The following RYR3 variants were observed in gnomAD, a reference collection of about 807,000 sequenced individuals.
The protein encoded by RYR3 is brain ryanodine receptor-calcium release channel.
Under a neutral mutation model 584.3 loss-of-function variants are expected in RYR3, and 207 were observed. The ratio of observed to expected loss-of-function variants is 0.35; its 90% CI spans 0.32 to 0.40. RYR3 has a LOEUF of 0.40. RYR3 is among the 10% of genes least tolerant of loss of function. The pLI, the probability that RYR3 is intolerant of heterozygous loss-of-function variation, is 1.00. For synonymous variants in RYR3, 2,416 were observed against 2,248.5 expected (o/e 1.07, Z -2.11); for missense variants, 5,616 against 6,089.2 (o/e 0.92, Z 2.59).
intron 53 of RYR3, among the ~76,000 whole-genome samples, chr15:33,746,953 C>T (rs958262276): frequency 6.6e-6 from 1 of 151,086 alleles, no homozygotes; most frequent in Admixed American, 6.6e-5. Flanking sequence ...GAACTATAGG[C>T]ATGCACCACC....
chr15:33,702,930 C>T (rs1346775594), intron 42 of RYR3, among the ~76,000 whole-genome samples: 9 of 151,786 alleles, frequency 5.9e-5, no homozygotes, highest in Non-Finnish European at 8.8e-5. Context: ...GCATAGTGAA[C>T]GTGGGGTGGC....
intron 45 of RYR3, among the ~76,000 whole-genome samples, chr15:33,725,894 T>C (rs1596323621): frequency 7.4e-6 from 1 of 135,072 alleles, no homozygotes; most frequent in East Asian, 2.4e-4. Flanking sequence ...TGTGTGAACC[T>C]GGGAGGCGGA....
intron 85 of RYR3, 157 bp from the exon 86 acceptor site, chr15:33,830,806 G>A: frequency 1.6e-6 from 1 of 612,946 alleles, no homozygotes; most frequent in South Asian, 2.6e-5. Context: ...AGATCCTAGA[G>A]ACCTGGTATC....
At chr15:33,628,644 C>A in intron 21 of RYR3, 69 bp downstream of exon 21, 1 of 963,586 alleles carries the variant, frequency 1.0e-6, no homozygotes. Flanking sequence ...GTTCTTCCTG[C>A]TGCATGCCTA....
chr15:33,782,274 A>G (rs2074435012), intron 65 of RYR3, among the ~76,000 whole-genome samples: 1 of 152,176 alleles, frequency 6.6e-6, no homozygotes, highest in Non-Finnish European at 1.5e-5. Context: ...AGTCTCTTGC[A>G]TTGTGCTCCT....
chr15:33,396,942 T>G (rs771755009), intron 1 of RYR3, among the ~76,000 whole-genome samples: 26 of 152,212 alleles, frequency 1.7e-4, no homozygotes, highest in Non-Finnish European at 2.8e-4. Flanking sequence ...CCTCTTTATT[T>G]TTCTGGTAAT....
chr15:33,496,685 T>A (rs1319080638), intron 2 of RYR3, among the ~76,000 whole-genome samples: 2 of 152,120 alleles, frequency 1.3e-5, no homozygotes, highest in Admixed American at 6.5e-5. Context: ...GGATCATTCA[T>A]TAAACAAAAA....
Position 33,732,988 on chromosome 15 carries a change from C to T in RYR3, c.7424+1294C>T, listed in dbSNP as rs1480079874. Among the ~76,000 whole-genome samples the T allele has an allele frequency of 3.3e-5, 5 of 152,180 alleles. No homozygotes were observed. In the East Asian group the frequency reaches 5.8e-4, roughly 18 times the overall value. Reference sequence around the variant, plus strand: ...GGGCTACCTGGAAAAAAAAACTCATCGGTCCTCACATCGATGTGAGTAGAA... The same window carrying T: ...GGGCTACCTGGAAAAAAAAACTCATTGGTCCTCACATCGATGTGAGTAGAA... On this transcript the variant is annotated intron_variant, in intron 48 of 103. Transcript: ENST00000634891.
chr15:33,854,753 C>T lies in RYR3; in HGVS notation c.13861-13C>T, dbSNP rs202155048. ...GCAAACATGCTTAAAAGTCTGCTTT[C>T]TTCCATTCCCAGTCCTTTCTCTACC... On this transcript the variant is annotated splice_polypyrimidine_tract_variant and intron_variant, in intron 97 of 103. Coordinates refer to ENST00000634891, the MANE Select transcript of RYR3 (RefSeq NM_001036.6). 255 of 1,590,200 alleles carry T rather than the reference C, an allele frequency of 1.6e-4. No individual in the cohort carries two copies. The African/African-American group carries it at 3.2e-3, about 20-fold the overall frequency.
At chr15:33,406,390 T>C (rs2043018272) in intron 1 of RYR3, among the ~76,000 whole-genome samples, 1 of 152,220 alleles carries the variant, frequency 6.6e-6, no homozygotes, top group South Asian at 2.1e-4. Flanking sequence ...TTCAGCTGTC[T>C]CTTCCATACC....
intron 1 of RYR3, among the ~76,000 whole-genome samples, chr15:33,373,043 G>A (rs962940668): frequency 6.6e-6 from 1 of 152,146 alleles, no homozygotes; most frequent in Non-Finnish European, 1.5e-5. Context: ...TACTTCTCAC[G>A]TGTCTCTTGC....
At chr15:33,755,251 T>C in intron 58 of RYR3, 71 bp downstream of exon 58, 1 of 923,322 alleles carries the variant, frequency 1.1e-6, no homozygotes, top group South Asian at 1.4e-5. Context: ...TTTCAGACTG[T>C]AACTTTTTAT....
At chr15:33,802,983 G>C (rs924640870) in intron 69 of RYR3, among the ~76,000 whole-genome samples, 1 of 152,176 alleles carries the variant, frequency 6.6e-6, no homozygotes, top group Non-Finnish European at 1.5e-5. Context: ...ATTTGGGATG[G>C]AGGTCTCATA....
At chr15:33,835,144 C>T (rs2077957824) in intron 87 of RYR3, 72 bp downstream of exon 87, 1 of 1,165,560 alleles carries the variant, frequency 8.6e-7, no homozygotes, top group Non-Finnish European at 1.2e-6. Flanking sequence ...TTGGTGTTCC[C>T]ATTGTGATGT....
intron 103 of RYR3, chr15:33,864,731 G>C (rs919485577): frequency 5.3e-6 from 1 of 187,790 alleles, no homozygotes; most frequent in Non-Finnish European, 1.1e-5. Context: ...AAACTTTACA[G>C]TTCACTCATT....
chr15:33,641,629 C>T (rs1042721774), intron 27 of RYR3, among the ~76,000 whole-genome samples: 2 of 152,150 alleles, frequency 1.3e-5, no homozygotes, highest in South Asian at 2.1e-4. Flanking sequence ...TTAATCTTTC[C>T]TCTCTGTCCT....
At chr15:33,534,676 G>A (rs2055176420) in intron 5 of RYR3, among the ~76,000 whole-genome samples, 1 of 152,212 alleles carries the variant, frequency 6.6e-6, no homozygotes, top group African/African-American at 2.4e-5. Flanking sequence ...CAAACAAGAT[G>A]CTGACTTGCT....
At chr15:33,379,671 C>T (rs2041022652) in intron 1 of RYR3, among the ~76,000 whole-genome samples, 1 of 112,256 alleles carries the variant, frequency 8.9e-6, no homozygotes, top group African/African-American at 4.3e-5. Context: ...GTGTCCCTCT[C>T]TCTCTCTCTC....
chr15:33,752,397 T>C (rs2071399898), intron 57 of RYR3, among the ~76,000 whole-genome samples: 1 of 152,240 alleles, frequency 6.6e-6, no homozygotes, highest in South Asian at 2.1e-4. Flanking sequence ...GTGTCCTCTC[T>C]TATTTCGTTG....
Sources: gnomAD v4.1 joint callset for allele counts (sites outside exome capture counted in the v4.1 genomes callset) on GRCh38, gnomAD v4.1.1 for gene constraint, MANE v1.5 for transcripts, NCBI Gene and HGNC (gene_info 2026-07-23, HGNC 2026-07-21) for gene names.